Variants in NELL1 observed in about 807,000 individuals in gnomAD.
NELL1 encodes the protein protein kinase C-binding protein NELL1.
NELL1 carries 76 observed loss-of-function variants against 107.4 expected under a neutral mutation model. That is an observed-to-expected ratio of 0.71 (90% CI 0.59 to 0.86). The LOEUF is 0.86. Ranked by LOEUF, NELL1 falls within the 40% of genes least tolerant of loss-of-function variation. The pLI is 0.00. For synonymous variants in NELL1, 353 were observed against 341.2 expected, an observed-to-expected ratio of 1.03 and a Z score of -0.38; for missense variants, 1,024 against 1,005.5, an observed-to-expected ratio of 1.02 and a Z score of -0.25.
chr11:21,363,712 C>G (rs1049842847), intron 14 of NELL1, among the ~76,000 whole-genome samples: 3 of 152,112 alleles, frequency 2.0e-5, no homozygotes, highest in Non-Finnish European at 4.4e-5. Context: ...TAAGACTATC[C>G]TCTCAAAATT....
chr11:21,240,461 A>G (rs1858324089), intron 14 of NELL1, among the ~76,000 whole-genome samples: 2 of 152,002 alleles, frequency 1.3e-5, no homozygotes, highest in Non-Finnish European at 2.9e-5. Context: ...GGTTACGCTT[A>G]AAGGTCTGAT....
intron 7 of NELL1, among the ~76,000 whole-genome samples, chr11:20,921,428 T>A (rs972748463): frequency 5.9e-5 from 9 of 152,126 alleles, no homozygotes; most frequent in Non-Finnish European, 1.3e-4. Flanking sequence ...GTCTGATAAC[T>A]TTTCCTAAGA....
At chr11:21,474,398 A>C (rs1854267466) in intron 15 of NELL1, among the ~76,000 whole-genome samples, 1 of 152,064 alleles carries the variant, frequency 6.6e-6, no homozygotes, top group Non-Finnish European at 1.5e-5. Flanking sequence ...TAAGATAAAA[A>C]TCAAGAGAAC....
At chr11:20,689,930 C>A (rs1208418149) in intron 2 of NELL1, among the ~76,000 whole-genome samples, 1 of 151,194 alleles carries the variant, frequency 6.6e-6, no homozygotes. Flanking sequence ...TATTTCTCCA[C>A]ATCCTCTCCA....
intron 15 of NELL1, among the ~76,000 whole-genome samples, chr11:21,401,569 G>A (rs1248980178): frequency 6.6e-6 from 1 of 151,688 alleles, no homozygotes; most frequent in Non-Finnish European, 1.5e-5. Flanking sequence ...ATGAGGCAGG[G>A]TTGGTTCATC....
intron 15 of NELL1, among the ~76,000 whole-genome samples, chr11:21,458,240 A>G (rs1853800638): frequency 6.6e-6 from 1 of 151,454 alleles, no homozygotes; most frequent in Non-Finnish European, 1.5e-5. Context: ...AGATATGGTA[A>G]GACTATCTCT....
At chr11:20,811,352 GT>G (rs1274073647) in intron 3 of NELL1, among the ~76,000 whole-genome samples, 4 of 152,006 alleles carry the variant, frequency 2.6e-5, no homozygotes, top group Non-Finnish European at 4.4e-5. Flanking sequence ...TCATATCTTT[GT>G]AGTATGTTTT....
intron 12 of NELL1, among the ~76,000 whole-genome samples, chr11:20,963,527 C>G (rs1189808699): frequency 6.6e-6 from 1 of 151,994 alleles, no homozygotes; most frequent in African/African-American, 2.4e-5. Context: ...TTTTAGCAAC[C>G]ATTCTTTTAT....
intron 15 of NELL1, among the ~76,000 whole-genome samples, chr11:21,495,021 A>T (rs1854940094): frequency 6.6e-6 from 1 of 152,058 alleles, no homozygotes; most frequent in African/African-American, 2.4e-5. Flanking sequence ...GATATATTTC[A>T]AATATCATAC....
chr11:20,729,155 T>C (rs1855573587), intron 2 of NELL1, among the ~76,000 whole-genome samples: 1 of 152,160 alleles, frequency 6.6e-6, no homozygotes, highest in Admixed American at 6.5e-5. Flanking sequence ...TAACATTGAT[T>C]TTGTGTCATG....
At chr11:21,465,100 G>C (rs1382741969) in intron 15 of NELL1, among the ~76,000 whole-genome samples, 4 of 152,060 alleles carry the variant, frequency 2.6e-5, no homozygotes, top group African/African-American at 9.7e-5. Flanking sequence ...CTTGGAAAGA[G>C]ACCTTAGGGA....
chr11:21,554,441 T>A (rs1856659002), intron 16 of NELL1, among the ~76,000 whole-genome samples: 1 of 151,846 alleles, frequency 6.6e-6, no homozygotes. Flanking sequence ...CATGTGAGAA[T>A]CAGAATTCAC....
chr11:20,933,741 T>G (rs117299859), intron 9 of NELL1, among the ~76,000 whole-genome samples: 2,511 of 152,264 alleles, frequency 0.016, 34 homozygotes, highest in South Asian at 0.04. Flanking sequence ...AAGCTGTACT[T>G]GTCAATTGTT....
intron 2 of NELL1, among the ~76,000 whole-genome samples, chr11:20,693,432 G>T (rs1854525206): frequency 6.6e-6 from 1 of 152,006 alleles, no homozygotes; most frequent in Non-Finnish European, 1.5e-5. Flanking sequence ...TACCGGTTGT[G>T]CCTTTCCACA....
At chr11:20,726,146 C>T (rs1357563037) in intron 2 of NELL1, among the ~76,000 whole-genome samples, 1 of 152,212 alleles carries the variant, frequency 6.6e-6, no homozygotes. Context: ...TAATTTACCA[C>T]TGATGGGCAC....
chr11:21,514,896 A>C (rs1855520133), intron 15 of NELL1, among the ~76,000 whole-genome samples: 1 of 152,152 alleles, frequency 6.6e-6, no homozygotes, highest in Admixed American at 6.6e-5. Flanking sequence ...CAATGTCATT[A>C]TTGAGAAGCC....
intron 2 of NELL1, among the ~76,000 whole-genome samples, chr11:20,770,093 A>AT (rs960296674): frequency 6.6e-6 from 1 of 152,130 alleles, no homozygotes; most frequent in African/African-American, 2.4e-5. Context: ...TCAAAGACCA[A>AT]TTTTCCCCCA....
chr11:21,081,944 C>A (rs544771575), intron 12 of NELL1, among the ~76,000 whole-genome samples: 6 of 152,270 alleles, frequency 3.9e-5, no homozygotes, highest in Non-Finnish European at 7.4e-5. Context: ...GATGGGGGAA[C>A]TGAGATTTAG....
chr11:21,131,651 G>A (rs1296029051), intron 13 of NELL1, among the ~76,000 whole-genome samples: 3 of 152,044 alleles, frequency 2.0e-5, no homozygotes, highest in Non-Finnish European at 2.9e-5. Flanking sequence ...GGGGAGGGAG[G>A]CTTAAATATA....
Sources: gnomAD v4.1 joint callset for allele counts (sites outside exome capture counted in the v4.1 genomes callset) on GRCh38, gnomAD v4.1.1 for gene constraint, MANE v1.5 for transcripts, NCBI Gene and HGNC (gene_info 2026-07-23, HGNC 2026-07-21) for gene names.